Variants in GADL1 observed in about 807,000 individuals in gnomAD.
The protein encoded by GADL1 is GAD like acidic amino acid decarboxylase 1.
A neutral mutation model predicts 69.5 loss-of-function variants in GADL1; 71 were observed. The ratio of observed to expected loss-of-function variants is 1.02; its 90% confidence interval spans 0.84 to 1.25. GADL1 has a LOEUF of 1.25. Among genes scored for constraint, GADL1 ranks in the 50% most tolerant of loss-of-function variants. The probability of loss-of-function intolerance (pLI) is 0.00; values close to 1 mark genes in which losing one functional copy is unlikely to be tolerated. For missense variants in GADL1, 737 were observed against 631.8 expected (o/e 1.17, Z -1.79); for synonymous variants, 254 against 214.4 (o/e 1.18, Z -1.62).
chr3:30,794,134 T>A (rs1348134687), intron 12 of GADL1, among the ~76,000 whole-genome samples: 1 of 152,210 alleles, frequency 6.6e-6, no homozygotes, highest in Non-Finnish European at 1.5e-5. Context: ...ATTGTGTAAC[T>A]GCTCACCTTT....
intron 5 of GADL1, among the ~76,000 whole-genome samples, 194 bp downstream of exon 5, chr3:30,850,637 TTAAG>T (rs1420761283): frequency 1.3e-5 from 2 of 152,184 alleles, no homozygotes; most frequent in Admixed American, 6.5e-5. Context: ...ACCTCATTCA[TTAAG>T]TATGTATGTC....
At chr3:30,870,480 G>A (rs1480149620) in intron 1 of GADL1, among the ~76,000 whole-genome samples, 1 of 151,708 alleles carries the variant, frequency 6.6e-6, no homozygotes, top group African/African-American at 2.4e-5. Context: ...AATAGGGACT[G>A]GGAGCAGATC....
At chr3:30,844,945 T>A (rs1698030105) in intron 6 of GADL1, among the ~76,000 whole-genome samples, 3 of 152,166 alleles carry the variant, frequency 2.0e-5, no homozygotes, top group Admixed American at 6.5e-5. Flanking sequence ...ACTTAGAATC[T>A]AGTCCACTGC....
chr3:30,883,229 A>G (rs1016157993), intron 1 of GADL1, among the ~76,000 whole-genome samples: 1 of 151,932 alleles, frequency 6.6e-6, no homozygotes, highest in African/African-American at 2.4e-5. Context: ...TGCCAAATCC[A>G]ATGTCATAAG....
intron 14 of GADL1, among the ~76,000 whole-genome samples, chr3:30,762,210 G>A (rs1696154716): frequency 6.6e-6 from 1 of 152,156 alleles, no homozygotes; most frequent in South Asian, 2.1e-4. Context: ...AGAGGGGCTT[G>A]GGGTAGTGAC....
chr3:30,786,105 A>G (rs1026013545), intron 13 of GADL1, among the ~76,000 whole-genome samples: 11 of 152,346 alleles, frequency 7.2e-5, no homozygotes, highest in African/African-American at 2.4e-4. Context: ...AATTTATTCA[A>G]TATTATCCTT....
At chr3:30,739,637 T>C (rs566063914) in intron 14 of GADL1, among the ~76,000 whole-genome samples, 1 of 152,308 alleles carries the variant, frequency 6.6e-6, no homozygotes, top group East Asian at 1.9e-4. Context: ...CTATAGTGCA[T>C]CCTAAAACAC....
chr3:30,779,770 C>T (rs137978278), intron 13 of GADL1, among the ~76,000 whole-genome samples: 11 of 152,158 alleles, frequency 7.2e-5, no homozygotes, highest in African/African-American at 2.4e-4. Flanking sequence ...CAATTTATTG[C>T]CTCTCAGCCA....
Position 30,778,222 on chromosome 3 carries a change from CTG to C in GADL1, c.1347_1348del (p.Glu451AspfsTer12). On this transcript the variant is annotated frameshift_variant, in exon 14 of 15. Transcript: ENST00000282538. LOFTEE classifies it high-confidence loss of function. ...GAACTCGGGTCCTTCTTCCATCTCT[CTG>C]AGGCTCGGTGGAATGTACCAAAAGC... is the stretch of plus-strand genomic sequence containing the variant. The C allele has an allele frequency of 6.2e-7, 1 of 1,612,908 alleles. No homozygotes were observed. Among genetic ancestry groups the C allele is most frequent in the Non-Finnish European group, 8.5e-7 (1 of 1,179,052 alleles).
At chr3:30,745,028 A>G (rs1053863693) in intron 14 of GADL1, among the ~76,000 whole-genome samples, 5 of 152,224 alleles carry the variant, frequency 3.3e-5, no homozygotes, top group African/African-American at 1.2e-4. Flanking sequence ...GCCATTGAAG[A>G]ACATGGTTAA....
At chr3:30,876,701 A>G (rs945529856) in intron 1 of GADL1, among the ~76,000 whole-genome samples, 1 of 151,912 alleles carries the variant, frequency 6.6e-6, no homozygotes, top group Non-Finnish European at 1.5e-5. Flanking sequence ...GCCCACTTAC[A>G]TGCCAAGTGT....
chr3:30,779,071 C>T (rs776801775), intron 13 of GADL1: 4 of 152,204 alleles, frequency 2.6e-5, no homozygotes, highest in African/African-American at 9.6e-5. Flanking sequence ...TTCTATCAGA[C>T]ATGACTTGCT....
chr3:30,782,256 G>GT (rs1175268779), intron 13 of GADL1, among the ~76,000 whole-genome samples: 1 of 152,178 alleles, frequency 6.6e-6, no homozygotes, highest in Non-Finnish European at 1.5e-5. Flanking sequence ...TAGCAGCAGT[G>GT]TGGCAGTTAG....
At chr3:30,742,820 T>C (rs1210853580) in intron 14 of GADL1, among the ~76,000 whole-genome samples, 2 of 152,198 alleles carry the variant, frequency 1.3e-5, no homozygotes, top group Admixed American at 6.6e-5. Flanking sequence ...TTAGCATATT[T>C]CAAGTAATTT....
intron 14 of GADL1, among the ~76,000 whole-genome samples, chr3:30,768,484 A>T (rs933962444): frequency 6.7e-5 from 10 of 148,588 alleles, no homozygotes; most frequent in African/African-American, 2.5e-4. Context: ...CCTTGGACAT[A>T]TTTATCAATT....
chr3:30,786,279 T>C, intron 13 of GADL1, 76 bp downstream of exon 13: 1 of 869,564 alleles, frequency 1.2e-6, no homozygotes, highest in Non-Finnish European at 1.9e-6. Flanking sequence ...CAATGAAACA[T>C]ATAACAGATA....
At chr3:30,832,299 C>T (rs982389761) in intron 11 of GADL1, among the ~76,000 whole-genome samples, 10 of 148,954 alleles carry the variant, frequency 6.7e-5, no homozygotes, top group South Asian at 6.4e-4. Context: ...TGAAAATAGA[C>T]ATGGGTTTTA....
At chr3:30,861,921 C>A (rs150469428) in intron 1 of GADL1, among the ~76,000 whole-genome samples, 156 bp from the exon 2 acceptor site, 2 of 146,544 alleles carry the variant, frequency 1.4e-5, no homozygotes, top group African/African-American at 5.0e-5. Context: ...TTTCTTATGA[C>A]ACACCATGGT....
At chr3:30,887,299 C>T (rs1416112204) in intron 1 of GADL1, among the ~76,000 whole-genome samples, 1 of 152,156 alleles carries the variant, frequency 6.6e-6, no homozygotes, top group Non-Finnish European at 1.5e-5. Context: ...CCCAATGTGG[C>T]AGTACTAAGA....
Sources: allele counts gnomAD v4.1 joint callset (sites outside exome capture counted in the v4.1 genomes callset), GRCh38; gene constraint gnomAD v4.1.1; transcripts MANE v1.5; gene names NCBI Gene and HGNC (gene_info 2026-07-23, HGNC 2026-07-21).